The following ENGASE variants were observed in gnomAD, a reference collection of about 807,000 sequenced individuals.
ENGASE encodes the protein endo-beta-N-acetylglucosaminidase.
In ENGASE, 69 loss-of-function variants were observed where a neutral mutation model predicts 78.5. That is an observed-to-expected ratio of 0.88 (90% confidence interval 0.72 to 1.07). ENGASE has a LOEUF of 1.07. Among genes scored for constraint, ENGASE ranks in the 50% least tolerant of loss-of-function variants. ENGASE has a pLI of 0.00. For missense variants in ENGASE, 943 were observed against 988.4 expected (o/e 0.95, Z 0.62); for synonymous variants, 408 against 408.9 (o/e 1.00, Z 0.03).
chr17:79,086,745 TAGAA>T lies in ENGASE; in HGVS notation c.*399_*402del. 1 of 366,482 alleles carries T rather than the reference TAGAA, an allele frequency of 2.7e-6. No individual in the cohort carries two copies. The highest frequency in any genetic ancestry group is 5.3e-6 in the Non-Finnish European group (1 of 186,958). The allele number at this position is 366,482 out of a possible 1,614,324, so 22.7% of individuals were successfully genotyped here. ...TTTTCTTTCCTGCAGATGAAACTAT[TAGAA>T]AGGGTCTTAGATTGTGGCAGGTAGG... On this transcript the variant is annotated 3_prime_UTR_variant, in exon 14 of 14. Coordinates refer to ENST00000579016, the MANE Select transcript of ENGASE (RefSeq NM_001042573.3).
intron 7 of ENGASE, 140 bp from the exon 8 acceptor site, chr17:79,082,880 G>A: frequency 1.3e-6 from 2 of 1,572,212 alleles, no homozygotes; most frequent in South Asian, 1.1e-5. Flanking sequence ...GCCTCCAGGT[G>A]CATCTAGGAG....
chr17:79,085,730 T>A lies in ENGASE; in HGVS notation c.1811T>A (p.Ile604Asn), dbSNP rs771765286. 1.2e-6 allele frequency: 2 copies of A among 1,613,258 alleles called. No homozygotes were observed. The highest frequency in any genetic ancestry group is 1.3e-5 in the African/African-American group (1 of 74,866). ...EESFTCRLGE[I>N]QVVDAASLLA... ...AGCTTCACCTGTCGGCTTGGAGAGATCCAGGTGATGCTTCCCAGAGGGGCT... is the reference window on the plus strand; with the variant it reads ...AGCTTCACCTGTCGGCTTGGAGAGAACCAGGTGATGCTTCCCAGAGGGGCT... Residue 604 changes from isoleucine (I) to asparagine (N), a missense_variant, in exon 13 of 14, where the codon ATC (isoleucine) becomes AAC (asparagine). Physicochemically the swap from Ile to Asn is moderately radical, Grantham distance 149 (BLOSUM62 -3). Transcript: ENST00000579016.
Position 79,087,055 on chromosome 17 carries a change from C to T in ENGASE, c.*706C>T, listed in dbSNP as rs977761956. ...GGAGCGTTTTCAGCAGCCCCTGGCT[C>T]TGCGGCGTCTCTTCCGGGCTGTGGG... On this transcript the variant is annotated 3_prime_UTR_variant, in exon 14 of 14. Coordinates refer to ENST00000579016, the MANE Select transcript of ENGASE (RefSeq NM_001042573.3). 2.3e-5 allele frequency: 11 copies of T among 475,260 alleles called. No homozygotes were observed. The highest frequency in any genetic ancestry group is 4.2e-5 in the Non-Finnish European group (10 of 237,438). 29.4% of individuals were successfully genotyped at this position (475,260 alleles called of 1,614,324 possible).
At position 79,082,425 on chromosome 17, in the gene ENGASE, G is replaced by A. The variant is rs1229441260; in HGVS notation, c.1038+362G>A. 5.7e-6 allele frequency: 7 copies of A among 1,222,574 alleles called. No individual in the cohort carries two copies. In the Admixed American group the frequency reaches 1.8e-4, roughly 31 times the overall value. 75.7% of individuals were successfully genotyped at this position (1,222,574 alleles called of 1,614,324 possible). On this transcript the variant is annotated intron_variant, in intron 7 of 13. Transcript: ENST00000579016. ...GCGGGGACGCACAGGGGCCTGCAGC[G>A]CCTCTCACTGCGGCTCAGGGGCGAG...
At chr17:79,081,155 G>T in intron 6 of ENGASE, 82 bp downstream of exon 6, 1 of 1,343,496 alleles carries the variant, frequency 7.4e-7, no homozygotes, top group South Asian at 1.4e-5. Flanking sequence ...CGCAAGGGGC[G>T]GGCGCAGTCT....
rs1279202112 is a variant in ENGASE at position 79,083,655 on chromosome 17, G to C, written c.1251+65G>C. ...CAGCTGGGACAGGTGGGAGGAGCCT[G>C]GGACTTGCCAGCAGGCACGGTGGTG... On this transcript the variant is annotated intron_variant, in intron 9 of 13. Coordinates refer to ENST00000579016, the MANE Select transcript of ENGASE (RefSeq NM_001042573.3). This position sits in a 1 kb window ranked among gnomAD's most constrained non-coding sequence, Gnocchi z 4.9. 1 of 1,577,032 alleles carries C rather than the reference G, an allele frequency of 6.3e-7. No homozygotes were observed. Among genetic ancestry groups the C allele is most frequent in the Non-Finnish European group, 8.7e-7 (1 of 1,149,732 alleles).
At position 79,074,834 on chromosome 17, in the gene ENGASE, T is replaced by C; in HGVS notation, c.-111T>C. ...GCGCGGCCGCTGGCCGGGAGTCAGC[T>C]CGGAGTCCCGTCCCAGCGCGGCGTC... On this transcript the variant is annotated 5_prime_UTR_variant, in exon 1 of 14. Transcript: ENST00000579016. The C allele has an allele frequency of 8.3e-7, 1 of 1,198,476 alleles. No homozygotes were observed. Among genetic ancestry groups the C allele is most frequent in the Non-Finnish European group, 1.0e-6 (1 of 965,568 alleles). 74.2% of individuals were successfully genotyped at this position (1,198,476 alleles called of 1,614,324 possible). A position where few individuals can be genotyped will look rare whatever the true frequency, so the allele number is the denominator to read the frequency against.
chr17:79,084,671 A>T lies in ENGASE; in HGVS notation c.1576A>T (p.Ile526Phe). The change falls in exon 11 of 14, where the codon ATC becomes TTC. Residue 526 changes from isoleucine (I) to phenylalanine (F), a missense_variant. Physicochemically the swap from Ile to Phe is conservative, Grantham distance 21. Coordinates refer to ENST00000579016, the MANE Select transcript of ENGASE (RefSeq NM_001042573.3). ...TGCCGGCAGCTGCCACATCGGTGGCATCTCAGTGTTGAACGGTGAGGTAAT... is the reference window on the plus strand; with the variant it reads ...TGCCGGCAGCTGCCACATCGGTGGCTTCTCAGTGTTGAACGGTGAGGTAAT... Reference protein sequence around the residue: ...GDAGSCHIGGISVLNAETSSR... With the variant: ...GDAGSCHIGGFSVLNAETSSR... 1 of 1,611,870 alleles carries T rather than the reference A, an allele frequency of 6.2e-7. No individual in the cohort carries two copies. The highest frequency in any genetic ancestry group is 8.5e-7 in the Non-Finnish European group (1 of 1,179,234).
In ENGASE at chr17:79,080,883, T is replaced by C; in HGVS notation, c.724-42T>C. 3 of 1,585,480 alleles carry C rather than the reference T, an allele frequency of 1.9e-6. 1 individual carries two copies. In the South Asian group the frequency reaches 3.5e-5, roughly 18 times the overall value. On this transcript the variant is annotated intron_variant, in intron 5 of 13. Transcript: ENST00000579016. ...CTGGATACTTCTCATGATAGATAGA[T>C]CTGGGGCTCACTGAGGCTCTCACCT...
Position 79,075,064 on chromosome 17 carries a change from G to A in ENGASE, c.120G>A (p.Arg40=). 1 of 1,203,518 alleles carries A rather than the reference G, an allele frequency of 8.3e-7. No homozygotes were observed. Among genetic ancestry groups the A allele is most frequent in the East Asian group, 3.3e-5 (1 of 30,088 alleles). 74.6% of individuals were successfully genotyped at this position (1,203,518 alleles called of 1,614,324 possible). A position where few individuals can be genotyped will look rare whatever the true frequency, so the allele number is the denominator to read the frequency against. ...TQEEQEDQEP[R]PRRRRPGRSI... ...AGGAGCAGGAGGATCAGGAGCCGCGGCCGCGGCGGCGGCGGCCGGGAAGGA... is the reference window on the plus strand; with the variant it reads ...AGGAGCAGGAGGATCAGGAGCCGCGACCGCGGCGGCGGCGGCCGGGAAGGA... Residue 40 remains arginine, a synonymous_variant, in exon 1 of 14, where the codon CGG becomes CGA. Coordinates refer to ENST00000579016, the MANE Select transcript of ENGASE (RefSeq NM_001042573.3).
chr17:79,080,811 C>G, intron 5 of ENGASE, 114 bp from the exon 6 acceptor site: 1 of 1,414,936 alleles, frequency 7.1e-7, no homozygotes, highest in Admixed American at 2.4e-5. Flanking sequence ...AGAACTGCAG[C>G]TTCGCCTGTG....
rs766885169 is a variant in ENGASE, at chr17:79,077,506, A to T, written c.214+9A>T. On this transcript the variant is annotated intron_variant, in intron 2 of 13. Coordinates refer to ENST00000579016, the MANE Select transcript of ENGASE (RefSeq NM_001042573.3). ...CCCGGACCCCCTGCCAGGTGAGGAG[A>T]CAGAGGCTCTGAATACCGATCCACC... 1 of 1,551,442 alleles carries T rather than the reference A, an allele frequency of 6.4e-7. No individual in the cohort carries two copies. The highest frequency in any genetic ancestry group is 8.7e-7 in the Non-Finnish European group (1 of 1,153,110).
intron 7 of ENGASE, 67 bp downstream of exon 7, chr17:79,082,130 G>A (rs746053305): frequency 6.2e-7 from 1 of 1,613,466 alleles, no homozygotes; most frequent in South Asian, 1.1e-5. Context: ...TTTCCTCATG[G>A]ACCTTCCATT....
intron 1 of ENGASE, chr17:79,075,709 C>G: frequency 1.0e-6 from 1 of 985,448 alleles, no homozygotes; most frequent in Non-Finnish European, 1.2e-6. Flanking sequence ...GTTAGGAGCA[C>G]AGACATGGCT....
In ENGASE at chr17:79,082,080, G is replaced by T; in HGVS notation, c.1038+17G>T. The stretch of plus-strand genomic sequence containing the variant: ...ACAGACAAGGTGGGTGGTGGCTTTC[G>T]TCCAAGGGCCAGCGGCCCAGTGCCT... On this transcript the variant is annotated intron_variant, in intron 7 of 13. Coordinates refer to ENST00000579016, the MANE Select transcript of ENGASE (RefSeq NM_001042573.3). 1 of 1,614,142 alleles carries T rather than the reference G, an allele frequency of 6.2e-7. No individual in the cohort carries two copies. The highest frequency in any genetic ancestry group is 8.5e-7 in the Non-Finnish European group (1 of 1,179,998).
Position 79,082,038 on chromosome 17 carries a change from T to C in ENGASE, c.1013T>C (p.Val338Ala), listed in dbSNP as rs1402824249. The change falls in exon 7 of 14, where the codon GTC becomes GCC. Residue 338 changes from valine (V) to alanine (A), a missense_variant. Transcript: ENST00000579016. The stretch of plus-strand genomic sequence containing the variant: ...GATGTGTTTGCTCGAGGGAACGTGG[T>C]CGGAGGCCGATTCGACACAGACAAG... ...GVDVFARGNV[V>A]GGRFDTDKSL... 1 of 1,614,090 alleles carries C rather than the reference T, an allele frequency of 6.2e-7. No individual in the cohort carries two copies. Among genetic ancestry groups the C allele is most frequent in the East Asian group, 2.2e-5 (1 of 44,894 alleles).
At chr17:79,080,430 C>T in intron 5 of ENGASE, 66 bp downstream of exon 5, 16 of 1,572,394 alleles carry the variant, frequency 1.0e-5, no homozygotes, top group Non-Finnish European at 1.3e-5. Context: ...CCACCTCTTT[C>T]CTGCCTTGGC....
chr17:79,075,676 C>T (rs1054625277), intron 1 of ENGASE: 3 of 985,304 alleles, frequency 3.0e-6, no homozygotes, highest in Non-Finnish European at 3.6e-6. Flanking sequence ...TAAACTCCCC[C>T]TCAGTAGGTT....
In ENGASE at chr17:79,074,914, C is replaced by A; in HGVS notation, c.-31C>A. 2.4e-6 allele frequency: 3 copies of A among 1,256,764 alleles called. No individual in the cohort carries two copies. The highest frequency in any genetic ancestry group is 3.1e-5 in the African/African-American group (2 of 65,346). 77.9% of individuals were successfully genotyped at this position (1,256,764 alleles called of 1,614,324 possible). ...CGGCGCGGGGGCGGGCCCGGGCCTG[C>A]GATTGCCTCTCGGCGTGCGCGGACA... On this transcript the variant is annotated 5_prime_UTR_variant, in exon 1 of 14. Transcript: ENST00000579016.
Sources: gnomAD v4.1 joint callset for allele counts on GRCh38, gnomAD v4.1.1 for gene constraint, Gnocchi (gnomAD v3.1) non-coding constraint, MANE v1.5 for transcripts, NCBI Gene and HGNC (gene_info 2026-07-23, HGNC 2026-07-21) for gene names.